Variants in GALNT10 observed in about 807,000 individuals in gnomAD.
The protein encoded by GALNT10 is polypeptide N-acetylgalactosaminyltransferase 10, also known as GalNAc transferase 10.
A neutral mutation model predicts 75.0 loss-of-function variants in GALNT10; 41 were observed. The ratio of observed to expected loss-of-function variants is 0.55; its 90% confidence interval spans 0.43 to 0.71. The LOEUF (loss-of-function observed/expected upper bound fraction) is 0.71. Ranked by LOEUF, GALNT10 falls within the 30% of genes least tolerant of loss-of-function variation. The pLI is 0.00. For synonymous variants in GALNT10, 302 were observed against 313.0 expected, an observed-to-expected ratio of 0.96 and a Z score of 0.37; for missense variants, 727 against 818.5, an observed-to-expected ratio of 0.89 and a Z score of 1.36.
chr5:154,260,967 A>T (rs1753690799), intron 1 of GALNT10, among the ~76,000 whole-genome samples: 1 of 149,236 alleles, frequency 6.7e-6, no homozygotes, highest in Non-Finnish European at 1.5e-5. Flanking sequence ...CTCTGCAGAA[A>T]GTGTAGACAC....
chr5:154,388,691 T>C lies in GALNT10; in HGVS notation c.1056+2261T>C, dbSNP rs1447755125. The C allele has an allele frequency of 1.3e-4, 19 of 148,020 alleles. No homozygotes were observed. The Admixed American group carries it at 1.3e-3, about 10-fold the overall frequency. 9.2% of individuals were successfully genotyped at this position (148,020 alleles called of 1,614,324 possible). A position where few individuals can be genotyped will look rare whatever the true frequency, so the allele number is the denominator to read the frequency against. On this transcript the variant is annotated intron_variant, in intron 7 of 11. Coordinates refer to ENST00000297107, the MANE Select transcript of GALNT10 (RefSeq NM_198321.4). ...CCTCTGCCTCACCCTTTCTGGGATTTTTTTTTTTTTTTTGCCTCTTCTGGT... is the reference window on the plus strand; with the variant it reads ...CCTCTGCCTCACCCTTTCTGGGATTCTTTTTTTTTTTTTGCCTCTTCTGGT...
In GALNT10 at chr5:154,416,010, A is replaced by C; in HGVS notation, c.1653+78A>C. 7.7e-7 allele frequency: 1 copy of C among 1,306,304 alleles called. No individual in the cohort carries two copies. Among genetic ancestry groups the C allele is most frequent in the South Asian group, 1.3e-5 (1 of 75,724 alleles). 80.9% of individuals were successfully genotyped at this position (1,306,304 alleles called of 1,614,324 possible). On this transcript the variant is annotated intron_variant, in intron 11 of 11. Coordinates refer to ENST00000297107, the MANE Select transcript of GALNT10 (RefSeq NM_198321.4). This position sits in a 1 kb window ranked among gnomAD's most constrained non-coding sequence, Gnocchi z 4.5. ...AATACAGTGCTTCACCCCTTCTTTC[A>C]ACAGAGCCCATCCACTTATTCATTT...
chr5:154,350,511 A>C (rs1225834270), intron 4 of GALNT10, among the ~76,000 whole-genome samples: 1 of 152,226 alleles, frequency 6.6e-6, no homozygotes, highest in East Asian at 1.9e-4. Flanking sequence ...AAAGATAGTT[A>C]AATAGATGTA....
chr5:154,278,606 G>T (rs1164899847), intron 1 of GALNT10, among the ~76,000 whole-genome samples: 1 of 152,160 alleles, frequency 6.6e-6, no homozygotes, highest in African/African-American at 2.4e-5. Flanking sequence ...GTGTACAATT[G>T]TGTGGCATTA....
At chr5:154,349,318 G>A (rs1755172171) in intron 4 of GALNT10, 1 of 152,074 alleles carries the variant, frequency 6.6e-6, no homozygotes, top group African/African-American at 2.4e-5. Flanking sequence ...ATCATTTCCT[G>A]ATCCCCAAGG....
intron 1 of GALNT10, among the ~76,000 whole-genome samples, chr5:154,233,929 T>C (rs1209914645): frequency 6.6e-6 from 1 of 152,200 alleles, no homozygotes; most frequent in African/African-American, 2.4e-5. Flanking sequence ...TGAGCTATGG[T>C]GGTGGCCAAT....
chr5:154,244,498 G>T (rs1036908568), intron 1 of GALNT10, among the ~76,000 whole-genome samples: 5 of 152,162 alleles, frequency 3.3e-5, no homozygotes, highest in African/African-American at 9.7e-5. Flanking sequence ...TTGGGGGAAT[G>T]CTGGATCAAG....
rs1429813684 is a variant in GALNT10, at chr5:154,380,616, C to T, written c.923C>T (p.Pro308Leu). ...CCTCCAGAACTGCAGAAAGCTGACC[C>T]CAGCGACCCATTTGAGTAAGTATGA... ...PIPPELQKAD[P>L]SDPFESPVMA... The change falls in exon 6 of 12, where the codon CCC becomes CTC. Residue 308 changes from proline to leucine, a missense_variant. By Grantham distance (98) the Pro-to-Leu change is moderately conservative. Transcript: ENST00000297107. 6.2e-7 allele frequency: 1 copy of T among 1,612,116 alleles called. No individual in the cohort carries two copies. The highest frequency in any genetic ancestry group is 8.5e-7 in the Non-Finnish European group (1 of 1,178,516).
At chr5:154,262,739 C>T (rs1753717700) in intron 1 of GALNT10, among the ~76,000 whole-genome samples, 1 of 152,142 alleles carries the variant, frequency 6.6e-6, no homozygotes, top group South Asian at 2.1e-4. Context: ...ACCCTCAAGA[C>T]CCTCAAGTTG....
Position 154,358,439 on chromosome 5 carries a change from G to C in GALNT10, c.569-17838G>C, listed in dbSNP as rs1423122867. Reference sequence around the variant, plus strand: ...TCACCTTATATCATCCTAACACCCAGTGAAAAACACTTCTATTATTATTCC... The same window carrying C: ...TCACCTTATATCATCCTAACACCCACTGAAAAACACTTCTATTATTATTCC... On this transcript the variant is annotated intron_variant, in intron 4 of 11. Transcript: ENST00000297107. Among the ~76,000 whole-genome samples the C allele has an allele frequency of 5.3e-5, 8 of 152,158 alleles. No individual in the cohort carries two copies. The South Asian group carries it at 8.3e-4, about 16-fold the overall frequency.
chr5:154,369,278 C>T (rs1294209286), intron 4 of GALNT10, among the ~76,000 whole-genome samples: 1 of 152,164 alleles, frequency 6.6e-6, no homozygotes. Context: ...ATCCCAGCTA[C>T]TCAGGAGGCT....
At chr5:154,259,989 C>G (rs1232122942) in intron 1 of GALNT10, among the ~76,000 whole-genome samples, 1 of 152,124 alleles carries the variant, frequency 6.6e-6, no homozygotes, top group African/African-American at 2.4e-5. Context: ...ACAGTGAGGA[C>G]TTTATAATCT....
At chr5:154,293,220 A>C (rs989988535) in intron 1 of GALNT10, among the ~76,000 whole-genome samples, 2 of 152,216 alleles carry the variant, frequency 1.3e-5, no homozygotes, top group African/African-American at 2.4e-5. Context: ...CCAGCACACC[A>C]CACATCAGGG....
intron 4 of GALNT10, among the ~76,000 whole-genome samples, chr5:154,353,460 A>C (rs10035132): frequency 0.014 from 2,075 of 150,006 alleles, 43 homozygotes; most frequent in African/African-American, 0.05. Flanking sequence ...CAAGGGGAGC[A>C]CAGCTCCTTG....
chr5:154,294,768 T>C (rs1179189728), intron 1 of GALNT10, 48 bp from the exon 2 acceptor site: 1 of 983,732 alleles, frequency 1.0e-6, no homozygotes, highest in Admixed American at 1.7e-5. Flanking sequence ...GGGCCTGTGT[T>C]ACTGATTTGC....
intron 7 of GALNT10, among the ~76,000 whole-genome samples, chr5:154,395,976 G>C (rs1216083454): frequency 6.6e-6 from 1 of 152,304 alleles, no homozygotes; most frequent in Non-Finnish European, 1.5e-5. Flanking sequence ...GTTGAAAATC[G>C]CAGCTGTAAT....
At position 154,190,937 on chromosome 5, in the gene GALNT10, A is replaced by T. The variant is rs1454353725; in HGVS notation, c.71A>T (p.Asn24Ile). 2.0e-6 allele frequency: 3 copies of T among 1,509,038 alleles called. No homozygotes were observed. Among genetic ancestry groups the T allele is most frequent in the Non-Finnish European group, 2.7e-6 (3 of 1,131,322 alleles). 93.5% of individuals were successfully genotyped at this position (1,509,038 alleles called of 1,614,324 possible). A position where few individuals can be genotyped will look rare whatever the true frequency, so the allele number is the denominator to read the frequency against. The change falls in exon 1 of 12, where the codon AAC (asparagine) becomes ATC (isoleucine). Residue 24 changes from asparagine to isoleucine, a missense_variant. Coordinates refer to ENST00000297107, the MANE Select transcript of GALNT10 (RefSeq NM_198321.4). ...CTGGCGGCCCTGGTCCTCCTGCCCA[A>T]CGTGGGGCTTTGGGCGCTGTACCGC... Reference protein sequence around the residue: ...LVLAALVLLPNVGLWALYRER... With the variant: ...LVLAALVLLPIVGLWALYRER...
chr5:154,415,037 T>C (rs1357445737), intron 10 of GALNT10, among the ~76,000 whole-genome samples: 1 of 152,062 alleles, frequency 6.6e-6, no homozygotes, highest in Non-Finnish European at 1.5e-5. Flanking sequence ...GCAGGAGAAT[T>C]GGTTGAACCC....
At chr5:154,287,855 T>G (rs1754134514) in intron 1 of GALNT10, among the ~76,000 whole-genome samples, 1 of 151,808 alleles carries the variant, frequency 6.6e-6, no homozygotes. Context: ...CCCTACCTGG[T>G]CCTCTTTGAA....
Sources: allele counts gnomAD v4.1 joint callset (sites outside exome capture counted in the v4.1 genomes callset), GRCh38; gene constraint gnomAD v4.1.1; non-coding constraint Gnocchi (gnomAD v3.1); transcripts MANE v1.5; gene names NCBI Gene and HGNC (gene_info 2026-07-23, HGNC 2026-07-21).